The following ZMIZ1 variants were observed in gnomAD, a reference collection of about 807,000 sequenced individuals.
The protein encoded by ZMIZ1 is zinc finger MIZ-type containing 1.
A neutral mutation model predicts 113.9 loss-of-function variants in ZMIZ1; 17 were observed. That is an observed-to-expected ratio of 0.15 (90% confidence interval 0.10 to 0.22). ZMIZ1 has a LOEUF of 0.22. Among genes scored for constraint, ZMIZ1 ranks in the 10% least tolerant of loss-of-function variants. The pLI, the probability that ZMIZ1 is intolerant of heterozygous loss-of-function variation, is 1.00. For synonymous variants in ZMIZ1, 607 were observed against 603.1 expected (o/e 1.01, Z -0.09); for missense variants, 1,059 against 1,477.8 (o/e 0.72, Z 4.65).
intron 21 of ZMIZ1, 35 bp downstream of exon 21, chr10:79,305,636 AG>A: frequency 6.9e-7 from 1 of 1,443,898 alleles, no homozygotes; most frequent in South Asian, 1.1e-5. Flanking sequence ...AGGGGGTGGG[AG>A]GGGACGAGGC....
intron 1 of ZMIZ1, among the ~76,000 whole-genome samples, chr10:79,075,049 G>A (rs915063478): frequency 1.3e-5 from 2 of 152,186 alleles, no homozygotes; most frequent in Non-Finnish European, 2.9e-5. Flanking sequence ...TGAAGGTTTC[G>A]GCTGTGGCAG....
intron 5 of ZMIZ1, among the ~76,000 whole-genome samples, chr10:79,207,065 A>G (rs1290802324): frequency 6.6e-6 from 1 of 152,192 alleles, no homozygotes; most frequent in East Asian, 1.9e-4. Flanking sequence ...GGACCATCCT[A>G]CGTCAGTGGT....
chr10:79,301,025 C>G, intron 17 of ZMIZ1, 83 bp downstream of exon 17: 1 of 1,548,380 alleles, frequency 6.5e-7, no homozygotes, highest in Non-Finnish European at 8.7e-7. Context: ...CTGCCCCACT[C>G]TGGTCCTCAG....
At chr10:79,215,877 A>G (rs1304701305) in intron 6 of ZMIZ1, among the ~76,000 whole-genome samples, 1 of 152,110 alleles carries the variant, frequency 6.6e-6, no homozygotes, top group African/African-American at 2.4e-5. Context: ...GACTTCTAAA[A>G]TGTGGTCGAA....
chr10:79,085,294 C>A (rs565603376), intron 1 of ZMIZ1, among the ~76,000 whole-genome samples: 1 of 152,328 alleles, frequency 6.6e-6, no homozygotes, highest in East Asian at 1.9e-4. Context: ...GGGGGCTCAG[C>A]ACCAGTCACC....
intron 2 of ZMIZ1, among the ~76,000 whole-genome samples, chr10:79,124,029 A>G (rs1844413633): frequency 6.6e-6 from 1 of 151,790 alleles, no homozygotes; most frequent in South Asian, 2.1e-4. Context: ...TGACTCCACA[A>G]CCCCCACCCA....
Position 79,314,616 on chromosome 10 carries a change from A to C in ZMIZ1, c.*1867A>C. On this transcript the variant is annotated 3_prime_UTR_variant, in exon 25 of 25. Coordinates refer to ENST00000334512, the MANE Select transcript of ZMIZ1 (RefSeq NM_020338.4). Reference sequence around the variant, plus strand: ...TTTGATAATATTCAACATTTTCATGACCTGGTTATAGCCTTTGCTGGTGTT... The same window carrying C: ...TTTGATAATATTCAACATTTTCATGCCCTGGTTATAGCCTTTGCTGGTGTT... The C allele has an allele frequency of 4.3e-6, 1 of 233,978 alleles. No individual in the cohort carries two copies. The highest frequency in any genetic ancestry group is 8.6e-6 in the Non-Finnish European group (1 of 116,126). The allele number at this position is 233,978 out of a possible 1,614,324, so 14.5% of individuals were successfully genotyped here.
At chr10:79,290,751 G>A (rs1357966138) in intron 9 of ZMIZ1, 9 of 708,042 alleles carry the variant, frequency 1.3e-5, no homozygotes, top group Non-Finnish European at 2.0e-5. Flanking sequence ...CAAGGCTGAC[G>A]TTCTCATCCC....
chr10:79,213,128 G>A (rs1848588375), intron 6 of ZMIZ1, among the ~76,000 whole-genome samples: 1 of 152,132 alleles, frequency 6.6e-6, no homozygotes, highest in South Asian at 2.1e-4. Flanking sequence ...CACTCACACT[G>A]GCCTTTATGG....
At chr10:79,178,883 T>C (rs2132559906) in intron 4 of ZMIZ1, among the ~76,000 whole-genome samples, 1 of 152,272 alleles carries the variant, frequency 6.6e-6, no homozygotes, top group South Asian at 2.1e-4. Context: ...GCCGTGGATC[T>C]CCCAGACAGC....
At chr10:79,158,386 C>A (rs2132479913) in intron 3 of ZMIZ1, among the ~76,000 whole-genome samples, 1 of 152,310 alleles carries the variant, frequency 6.6e-6, no homozygotes. Flanking sequence ...GGCGGTCGGC[C>A]CCTGCTTAGA....
At chr10:79,080,774 C>T (rs575559050) in intron 1 of ZMIZ1, among the ~76,000 whole-genome samples, 1 of 152,200 alleles carries the variant, frequency 6.6e-6, no homozygotes, top group African/African-American at 2.4e-5. Context: ...CCCCTTTAGG[C>T]AGAAGGAGTG....
At chr10:79,132,794 G>A (rs1844827998) in intron 2 of ZMIZ1, among the ~76,000 whole-genome samples, 1 of 152,094 alleles carries the variant, frequency 6.6e-6, no homozygotes, top group Non-Finnish European at 1.5e-5. Flanking sequence ...CAGGGACTGT[G>A]TTCTAGGGAA....
At chr10:79,216,850 T>C (rs1848752200) in intron 7 of ZMIZ1, among the ~76,000 whole-genome samples, 1 of 152,364 alleles carries the variant, frequency 6.6e-6, no homozygotes, top group Admixed American at 6.5e-5. Context: ...AACTTTGTCA[T>C]CACCTGCGGT....
chr10:79,136,303 G>A (rs376334317), intron 2 of ZMIZ1, among the ~76,000 whole-genome samples: 6 of 152,218 alleles, frequency 3.9e-5, no homozygotes, highest in Non-Finnish European at 8.8e-5. Flanking sequence ...GGCCCAGCTC[G>A]TCTCTAGGAC....
In ZMIZ1 at chr10:79,117,218, G is replaced by A. The variant is rs78858372; in HGVS notation, c.-336-1697G>A. On this transcript the variant is annotated intron_variant, in intron 1 of 24. Coordinates refer to ENST00000334512, the MANE Select transcript of ZMIZ1 (RefSeq NM_020338.4). ...TAACTCACAAAATGTCACTCACACC[G>A]AATCCTATTGATCTAAACAACTCTC... 1.5e-3 allele frequency among the ~76,000 whole-genome samples: 230 copies of A among 152,374 alleles called. 5 individuals carry two copies. In the East Asian group the frequency reaches 0.037, roughly 24 times the overall value.
At chr10:79,195,017 GAA>G (rs1175220143) in intron 4 of ZMIZ1, among the ~76,000 whole-genome samples, 1 of 152,252 alleles carries the variant, frequency 6.6e-6, no homozygotes, top group Non-Finnish European at 1.5e-5. Flanking sequence ...ACAGAGCTGT[GAA>G]AGGGGCAGCG....
At position 79,305,313 on chromosome 10, in the gene ZMIZ1, T is replaced by G. The variant is rs377414312; in HGVS notation, c.2354+82T>G. 8.0e-6 allele frequency: 12 copies of G among 1,497,738 alleles called. No individual in the cohort carries two copies. In the East Asian group the frequency reaches 2.3e-4, roughly 28 times the overall value. 92.8% of individuals were successfully genotyped at this position (1,497,738 alleles called of 1,614,324 possible). A position where few individuals can be genotyped will look rare whatever the true frequency, so the allele number is the denominator to read the frequency against. On this transcript the variant is annotated intron_variant, in intron 20 of 24. Coordinates refer to ENST00000334512, the MANE Select transcript of ZMIZ1 (RefSeq NM_020338.4). The stretch of plus-strand genomic sequence containing the variant: ...GGGCCAGCTACCTCCCACCTCCACC[T>G]GCCCTAAATGCAAACCAGAACCCAA...
intron 1 of ZMIZ1, among the ~76,000 whole-genome samples, chr10:79,111,098 G>C (rs1321171097): frequency 6.6e-6 from 1 of 152,212 alleles, no homozygotes; most frequent in Non-Finnish European, 1.5e-5. Context: ...CCCATGAGCA[G>C]TCCCCATCAC....
Sources: allele counts gnomAD v4.1 joint callset (sites outside exome capture counted in the v4.1 genomes callset), GRCh38; gene constraint gnomAD v4.1.1; transcripts MANE v1.5; gene names NCBI Gene and HGNC (gene_info 2026-07-23, HGNC 2026-07-21).